AATK: variants seen among roughly 807,000 people sequenced by gnomAD.
The protein encoded by AATK is serine/threonine-protein kinase LMTK1.
AATK carries 91 observed loss-of-function variants against 114.3 expected under a neutral mutation model. That is an observed-to-expected ratio of 0.80 (90% CI 0.67 to 0.95). The LOEUF is 0.95. Ranked by LOEUF, AATK falls within the 40% of genes least tolerant of loss-of-function variation. AATK has a pLI of 0.00. For missense variants in AATK, 2,176 were observed against 1,965.2 expected (o/e 1.11, Z -2.03); for synonymous variants, 1,075 against 916.5 (o/e 1.17, Z -3.12).
chr17:81,131,947 G>T, intron 2 of AATK: 1 of 1,341,508 alleles, frequency 7.5e-7, no homozygotes, highest in Non-Finnish European at 9.9e-7. Flanking sequence ...TCACCTGGTG[G>T]CCACACCACC....
chr17:81,139,574 G>GCTGCA (rs2061092386), intron 1 of AATK, among the ~76,000 whole-genome samples: 1 of 20,734 alleles, frequency 4.8e-5, no homozygotes, highest in African/African-American at 8.2e-5. Flanking sequence ...CACATGCTGC[G>GCTGCA]CGGCCCCCAG....
chr17:81,133,481 C>CA, intron 2 of AATK: 1 of 278,892 alleles, frequency 3.6e-6, no homozygotes, highest in South Asian at 2.7e-5. Context: ...TGCCTCCTCC[C>CA]ACCCTCCTCC....
chr17:81,145,026 A>G (rs923517314), intron 1 of AATK, among the ~76,000 whole-genome samples: 1 of 152,094 alleles, frequency 6.6e-6, no homozygotes, highest in Non-Finnish European at 1.5e-5. Context: ...TGAGGTCAGG[A>G]GTTCGAGACC....
chr17:81,135,516 G>A (rs562716104), intron 1 of AATK, among the ~76,000 whole-genome samples: 8 of 152,200 alleles, frequency 5.3e-5, no homozygotes, highest in African/African-American at 1.9e-4. Flanking sequence ...CAACTTCTCA[G>A]CTCCCAACAC....
chr17:81,128,972 G>T, intron 3 of AATK: 1 of 1,027,740 alleles, frequency 9.7e-7, no homozygotes, highest in Non-Finnish European at 1.2e-6. Flanking sequence ...CCCACGCCGG[G>T]CGCACCAAAG....
At chr17:81,124,892 C>T (rs1294486080) in intron 8 of AATK, 38 bp downstream of exon 8, 2 of 1,570,786 alleles carry the variant, frequency 1.3e-6, no homozygotes, top group African/African-American at 2.7e-5. Flanking sequence ...GCAGGCCCTG[C>T]CCCTCATGCC....
chr17:81,144,632 C>T (rs556980480), intron 1 of AATK, among the ~76,000 whole-genome samples: 128 of 152,358 alleles, frequency 8.4e-4, no homozygotes, highest in Middle Eastern at 6.8e-3. Flanking sequence ...GGGAGGAGTT[C>T]GCCTTCACTG....
At chr17:81,129,027 A>G (rs900671843) in intron 3 of AATK, 3 of 576,914 alleles carry the variant, frequency 5.2e-6, no homozygotes, top group Non-Finnish European at 6.7e-6. Flanking sequence ...CACGGAGCAC[A>G]CTGGCCCATT....
At chr17:81,125,799 C>A in intron 7 of AATK, 1 of 435,950 alleles carries the variant, frequency 2.3e-6, no homozygotes, top group Non-Finnish European at 4.8e-6. Context: ...GTGTCCTGGG[C>A]CTAGGGGGTG....
chr17:81,131,746 C>T (rs2060935759), intron 2 of AATK, among the ~76,000 whole-genome samples: 1 of 152,170 alleles, frequency 6.6e-6, no homozygotes, highest in Non-Finnish European at 1.5e-5. Context: ...CCCACCCTCC[C>T]ATGGCGCAGC....
intron 13 of AATK, among the ~76,000 whole-genome samples, 167 bp from the exon 14 acceptor site, chr17:81,118,609 T>C (rs555429047): frequency 8.5e-5 from 13 of 152,324 alleles, no homozygotes; most frequent in Middle Eastern, 3.4e-3. Context: ...CCCCCACTCC[T>C]GTCACTGGAC....
In AATK at chr17:81,122,222, G is replaced by C; in HGVS notation, c.1714C>G (p.Leu572Val). Residue 572 changes from leucine to valine, a missense_variant, in exon 11 of 14, where the codon CTG becomes GTG. Coordinates refer to ENST00000326724, the MANE Select transcript of AATK (RefSeq NM_001080395.3). ...TGGCCCAGCAGCGGCTCCATGGCCA[G>C]CGAGGCGGCGGTGCTGCCGTCAGAG... Reference protein sequence around the residue: ...DDSDGSTAASLAMEPLLGHGP... With the variant: ...DDSDGSTAASVAMEPLLGHGP... 1 of 1,494,356 alleles carries C rather than the reference G, an allele frequency of 6.7e-7. No individual in the cohort carries two copies. Among genetic ancestry groups the C allele is most frequent in the Non-Finnish European group, 8.9e-7 (1 of 1,124,018 alleles). 92.6% of individuals were successfully genotyped at this position (1,494,356 alleles called of 1,614,324 possible).
intron 1 of AATK, among the ~76,000 whole-genome samples, chr17:81,161,110 T>C (rs2061425240): frequency 6.6e-6 from 1 of 152,130 alleles, no homozygotes; most frequent in Non-Finnish European, 1.5e-5. Flanking sequence ...TGCTCACCCC[T>C]CAGACCCAAG....
rs1297965298 is a variant in AATK at position 81,122,703 on chromosome 17, T to C, written c.1233A>G (p.Glu411=). The C allele has an allele frequency of 1.3e-6, 2 of 1,572,534 alleles. No individual in the cohort carries two copies. Among genetic ancestry groups the C allele is most frequent in the Non-Finnish European group, 8.6e-7 (1 of 1,159,704 alleles). ...CGGGCCGCAGAGAGCGCCAGCGCCG[T>C]TCAAACTCCTCCTCTGCTTCGGTGG... ...KGATEAEEEF[E]RRWRSLRPGG... The change falls in exon 11 of 14, where the codon GAA becomes GAG. Residue 411 remains glutamate, a synonymous_variant. Coordinates refer to ENST00000326724, the MANE Select transcript of AATK (RefSeq NM_001080395.3).
chr17:81,164,741 G>A (rs1486352952), intron 1 of AATK, among the ~76,000 whole-genome samples: 2 of 152,192 alleles, frequency 1.3e-5, no homozygotes, highest in Non-Finnish European at 2.9e-5. Context: ...CCCTTGGGCC[G>A]GGGAGACATT....
chr17:81,140,890 T>TG (rs755767383), intron 1 of AATK, among the ~76,000 whole-genome samples: 1,596 of 46,964 alleles, frequency 0.034, 44 homozygotes, highest in Middle Eastern at 0.08. Context: ...GTGGGGACCG[T>TG]GAGCTGTGAG....
At chr17:81,149,071 C>T (rs967531883) in intron 1 of AATK, among the ~76,000 whole-genome samples, 1 of 152,182 alleles carries the variant, frequency 6.6e-6, no homozygotes, top group Admixed American at 6.5e-5. Context: ...GAATGCGTCC[C>T]ATGACTGGTG....
chr17:81,161,021 T>C (rs2061424375), intron 1 of AATK, among the ~76,000 whole-genome samples: 3 of 152,222 alleles, frequency 2.0e-5, no homozygotes, highest in Admixed American at 1.3e-4. Flanking sequence ...GGCTGGGGGC[T>C]AGCACGTGGC....
At chr17:81,159,632 T>G (rs2061407097) in intron 1 of AATK, among the ~76,000 whole-genome samples, 1 of 150,992 alleles carries the variant, frequency 6.6e-6, no homozygotes. Context: ...TTGTTCAGAG[T>G]CACTAAGAAT....
Sources: gnomAD v4.1 joint callset for allele counts (sites outside exome capture counted in the v4.1 genomes callset) on GRCh38, gnomAD v4.1.1 for gene constraint, MANE v1.5 for transcripts, NCBI Gene and HGNC (gene_info 2026-07-23, HGNC 2026-07-21) for gene names.